Variants in MCM10 observed in about 807,000 individuals in gnomAD.
MCM10 encodes minichromosome maintenance 10 replication initiation factor.
In MCM10, 91 loss-of-function variants were observed where a neutral mutation model predicts 109.9. The ratio of observed to expected loss-of-function variants is 0.83; its 90% confidence interval spans 0.70 to 0.99. The LOEUF is 0.99. MCM10 is among the 50% of genes least tolerant of loss of function. The pLI, the probability that MCM10 is intolerant of heterozygous loss-of-function variation, is 0.00. For missense variants in MCM10, 1,077 were observed against 1,061.2 expected (o/e 1.01, Z -0.21); for synonymous variants, 380 against 387.2 (o/e 0.98, Z 0.22).
At chr10:13,207,844 G>A (rs117561462) in intron 18 of MCM10, among the ~76,000 whole-genome samples, 470 of 152,286 alleles carry the variant, frequency 3.1e-3, no homozygotes, top group Non-Finnish European at 5.6e-3. Flanking sequence ...CTAGCAGCAT[G>A]AGAACAGACT....
In MCM10 at chr10:13,181,900, G is replaced by C. The variant is rs150452907; in HGVS notation, c.931-1033G>C. Among the ~76,000 whole-genome samples, 343 of 152,314 alleles carry C rather than the reference G, an allele frequency of 2.3e-3. 1 individual carries two copies. The highest frequency in any genetic ancestry group is 4.4e-3 in the Non-Finnish European group (299 of 68,026). ...TGGATTCCAGCTCAGCGTCCGGGCA[G>C]TAGATTCCATGCTGTAACCCATAAC... On this transcript the variant is annotated intron_variant, in intron 7 of 19. Transcript: ENST00000378714.
intron 2 of MCM10, among the ~76,000 whole-genome samples, chr10:13,164,899 T>TA (rs1235763495): frequency 1.4e-4 from 22 of 152,178 alleles, no homozygotes; most frequent in African/African-American, 4.8e-4. Flanking sequence ...TTTCTATTTT[T>TA]AAAAAATTAA....
chr10:13,163,657 A>G, intron 1 of MCM10, among the ~76,000 whole-genome samples: 1 of 151,778 alleles, frequency 6.6e-6, no homozygotes, highest in Non-Finnish European at 1.5e-5. Flanking sequence ...AAAATGAAAG[A>G]ATAGCCTAAT....
chr10:13,192,153 G>A (rs767388261), intron 11 of MCM10, 102 bp from the exon 12 acceptor site: 86 of 695,032 alleles, frequency 1.2e-4, no homozygotes, highest in Admixed American at 6.4e-4. Context: ...CTTCGTTTAC[G>A]TATGACTAAA....
In MCM10 at chr10:13,201,450, T is replaced by G; in HGVS notation, c.2268T>G (p.Phe756Leu). The change falls in exon 17 of 20, where the codon TTT (phenylalanine) becomes TTG (leucine). Residue 756 changes from phenylalanine to leucine, a missense_variant. Phe to Leu is a conservative substitution (Grantham distance 22). Transcript: ENST00000378714. Reference protein sequence around the residue: ...EAEAEMQERYFEPLVKKEQME... With the variant: ...EAEAEMQERYLEPLVKKEQME... The stretch of plus-strand genomic sequence containing the variant: ...AGGCTGAGATGCAGGAGCGCTACTT[T>G]GAGCCACTGGTGAAAAAAGAACAAA... 6.2e-7 allele frequency: 1 copy of G among 1,613,194 alleles called. No homozygotes were observed. Among genetic ancestry groups the G allele is most frequent in the Non-Finnish European group, 8.5e-7 (1 of 1,179,604 alleles).
At chr10:13,192,891 CT>C (rs113382950) in intron 13 of MCM10, among the ~76,000 whole-genome samples, 11 of 148,698 alleles carry the variant, frequency 7.4e-5, no homozygotes, top group Admixed American at 3.4e-4. Context: ...CTCTCTCTCT[CT>C]TTTTTTTTTC....
rs544931323 is a variant in MCM10, at chr10:13,183,557, C to T, written c.1098+457C>T. Among the ~76,000 whole-genome samples the T allele has an allele frequency of 7.9e-5, 12 of 152,254 alleles. No homozygotes were observed. The South Asian group carries it at 2.5e-3, about 32-fold the overall frequency. ...TTTTCATTTTTTGTTCATTCATTAC[C>T]CATCAGTATTCTGAATTTCCACCTA... On this transcript the variant is annotated intron_variant, in intron 8 of 19. Transcript: ENST00000378714.
At chr10:13,190,000 T>C (rs960164697) in intron 10 of MCM10, among the ~76,000 whole-genome samples, 1 of 152,236 alleles carries the variant, frequency 6.6e-6, no homozygotes, top group Non-Finnish European at 1.5e-5. Context: ...GAAAAATCTC[T>C]TAATGTTTTA....
rs150377690 is a variant in MCM10 at position 13,183,026 on chromosome 10, T to A, written c.1024T>A (p.Trp342Arg). ...ATTTGGAGAAGTTCACAAAGCGCTC[T>A]GGAAGACGGAGCAGGGGACTGTCGT... ...FLFGEVHKAL[W>R]KTEQGTVVGI... Residue 342 changes from tryptophan (W) to arginine (R), a missense_variant, in exon 8 of 20, where the codon TGG becomes AGG. Transcript: ENST00000378714. 2 of 1,614,166 alleles carry A rather than the reference T, an allele frequency of 1.2e-6. No individual in the cohort carries two copies. Among genetic ancestry groups the A allele is most frequent in the Non-Finnish European group, 1.7e-6 (2 of 1,180,002 alleles).
At chr10:13,164,940 T>C (rs981999263) in intron 2 of MCM10, among the ~76,000 whole-genome samples, 2 of 152,172 alleles carry the variant, frequency 1.3e-5, no homozygotes, top group East Asian at 1.9e-4. Context: ...AGAGATCTAG[T>C]TGCATAATTG....
At position 13,204,221 on chromosome 10, in the gene MCM10, C is replaced by T. The variant is rs536238621; in HGVS notation, c.2355C>T (p.Cys785=). The T allele has an allele frequency of 7.5e-5, 121 of 1,613,894 alleles. No homozygotes were observed. The highest frequency in any genetic ancestry group is 5.0e-4 in the Middle Eastern group (3 of 5,988). The change falls in exon 18 of 20, where the codon TGC becomes TGT. Residue 785 remains cysteine, a splice_region_variant and synonymous_variant. Transcript: ENST00000378714. Reference sequence around the variant, plus strand: ...GGGTTTTTTGTTGCTCTGTGCAGTGCGCCTATACCCACTTCAAGCTGCTGG... The same window carrying T: ...GGGTTTTTTGTTGCTCTGTGCAGTGTGCCTATACCCACTTCAAGCTGCTGG... ...VKCRVVTCKT[C]AYTHFKLLET...
At chr10:13,179,681 T>C (rs76162339) in intron 6 of MCM10, among the ~76,000 whole-genome samples, 3,788 of 152,320 alleles carry the variant, frequency 0.025, 68 homozygotes, top group South Asian at 0.077. Flanking sequence ...AATATATTAA[T>C]TGAAGCTACA....
In MCM10 at chr10:13,175,658, A is replaced by G. The variant is rs1212440689; in HGVS notation, c.741A>G (p.Glu247=). ...AAACGACTCAACCCATCTGTGTGGAAGCCTTCTCTGGTCTGCGGCTCAGGT... is the reference window on the plus strand; with the variant it reads ...AAACGACTCAACCCATCTGTGTGGAGGCCTTCTCTGGTCTGCGGCTCAGGT... The part of the protein sequence containing the change: ...SGETTQPICV[E]AFSGLRLRRP... The change falls in exon 6 of 20, where the codon GAA becomes GAG. Residue 247 remains glutamate (E), a synonymous_variant. Coordinates refer to ENST00000378714, the MANE Select transcript of MCM10 (RefSeq NM_018518.5). 6.2e-7 allele frequency: 1 copy of G among 1,610,658 alleles called. No individual in the cohort carries two copies. The highest frequency in any genetic ancestry group is 8.5e-7 in the Non-Finnish European group (1 of 1,178,030).
Position 13,198,706 on chromosome 10 carries a change from C to G in MCM10, c.2137C>G (p.Pro713Ala), listed in dbSNP as rs1834455885. ...TGCCCTAGCTGAGGATGAATTGGAG[C>G]CTGCCAGGAAAAAAAGGAGAGAACA... ...FSSQAEDELE[P>A]ARKKRREQLA... The change falls in exon 16 of 20, where the codon CCT becomes GCT. Residue 713 changes from proline to alanine, a missense_variant. Coordinates refer to ENST00000378714, the MANE Select transcript of MCM10 (RefSeq NM_018518.5). The G allele has an allele frequency of 1.9e-6, 3 of 1,612,470 alleles. No individual in the cohort carries two copies. Among genetic ancestry groups the G allele is most frequent in the African/African-American group, 2.7e-5 (2 of 74,900 alleles).
In MCM10 at chr10:13,197,610, C is replaced by A. The variant is rs911911997; in HGVS notation, c.1975-13C>A. The A allele has an allele frequency of 1.2e-6, 2 of 1,608,560 alleles. No individual in the cohort carries two copies. Among genetic ancestry groups the A allele is most frequent in the Non-Finnish European group, 1.7e-6 (2 of 1,178,590 alleles). ...TTTAGATCTTTACCTCCCTCTCATT[C>A]CCTTTTTTCTAGTTAGCTGCTATCA... On this transcript the variant is annotated splice_polypyrimidine_tract_variant and intron_variant, in intron 14 of 19. Transcript: ENST00000378714.
rs1356163816 is a variant in MCM10 at position 13,198,601 on chromosome 10, G to T, written c.2120-88G>T. On this transcript the variant is annotated intron_variant, in intron 15 of 19. Coordinates refer to ENST00000378714, the MANE Select transcript of MCM10 (RefSeq NM_018518.5). ...TTTGAAGGGCTGGTAGGCAGAGGAGGAGGGAGTGGGAGGGAGTAGAGTTGA... is the reference window on the plus strand; with the variant it reads ...TTTGAAGGGCTGGTAGGCAGAGGAGTAGGGAGTGGGAGGGAGTAGAGTTGA... The T allele has an allele frequency of 4.9e-6, 4 of 811,814 alleles. No homozygotes were observed. The East Asian group carries it at 9.8e-5, about 20-fold the overall frequency. The allele number at this position is 811,814 out of a possible 1,614,324, so 50.3% of individuals were successfully genotyped here.
chr10:13,199,837 T>C (rs1482547579), intron 16 of MCM10, among the ~76,000 whole-genome samples: 1 of 152,090 alleles, frequency 6.6e-6, no homozygotes, highest in Admixed American at 6.6e-5. Flanking sequence ...TCTTTGATAA[T>C]GTAGGGGTTT....
At position 13,172,766 on chromosome 10, in the gene MCM10, G is replaced by A. The variant is rs770113124; in HGVS notation, c.592+1G>A. 1 of 1,614,040 alleles carries A rather than the reference G, an allele frequency of 6.2e-7. No homozygotes were observed. Among genetic ancestry groups the A allele is most frequent in the Admixed American group, 1.7e-5 (1 of 60,004 alleles). ...CGAACACCAAAGGCTTCACCTCCAG[G>A]TGTAGTACTTGCGGTCTCAGTATCT... On this transcript the variant is annotated splice_donor_variant, in intron 5 of 19. Coordinates refer to ENST00000378714, the MANE Select transcript of MCM10 (RefSeq NM_018518.5). LOFTEE classifies it high-confidence loss of function. This position sits in a 1 kb window ranked among gnomAD's most constrained non-coding sequence, Gnocchi z 5.2.
At position 13,191,378 on chromosome 10, in the gene MCM10, C is replaced by A. The variant is rs1254829221; in HGVS notation, c.1495C>A (p.Gln499Lys). The A allele has an allele frequency of 4.3e-6, 7 of 1,613,842 alleles. No individual in the cohort carries two copies. Among genetic ancestry groups the A allele is most frequent in the South Asian group, 1.1e-5 (1 of 91,078 alleles). Residue 499 changes from glutamine to lysine, a missense_variant, in exon 11 of 20, where the codon CAG becomes AAG. Transcript: ENST00000378714. ...LVVKGTNLII[Q>K]ETRQKLGIPQ... ...TGTTAAGGGCACAAACTTGATCATC[C>A]AGGAAACACGGCAAAAACTCGGTAA...
Sources: gnomAD v4.1 joint callset for allele counts (sites outside exome capture counted in the v4.1 genomes callset) on GRCh38, gnomAD v4.1.1 for gene constraint, Gnocchi (gnomAD v3.1) non-coding constraint, MANE v1.5 for transcripts, NCBI Gene and HGNC (gene_info 2026-07-23, HGNC 2026-07-21) for gene names.